The following ENOX1 variants were observed in gnomAD, a reference collection of about 807,000 sequenced individuals.
ENOX1 encodes ecto-NOX disulfide-thiol exchanger 1.
In ENOX1, 42 loss-of-function variants were observed where a neutral mutation model predicts 82.5. The observed-to-expected ratio is 0.51, with a 90% CI of 0.40 to 0.66. The LOEUF is 0.66. ENOX1 is among the 30% of genes least tolerant of loss of function. The pLI is 0.00. For missense variants in ENOX1, 608 were observed against 811.6 expected, an observed-to-expected ratio of 0.75 and a Z score of 3.05; for synonymous variants, 271 against 282.2, an observed-to-expected ratio of 0.96 and a Z score of 0.40.
intron 1 of ENOX1, among the ~76,000 whole-genome samples, chr13:43,675,734 G>A (rs535161618): frequency 5.2e-4 from 79 of 152,160 alleles, no homozygotes; most frequent in African/African-American, 1.9e-3. Flanking sequence ...GGAGGGGCCC[G>A]GCTTCCTTTC....
At chr13:43,543,913 C>CTTTTTTTTTTTTTT (rs11324994) in intron 2 of ENOX1, 58 of 97,424 alleles carry the variant, frequency 6.0e-4, no homozygotes, top group Middle Eastern at 5.4e-3. Flanking sequence ...TTTTCTTTTT[C>CTTTTTTTTTTTTTT]TTTTTTTTTT....
At position 43,693,189 on chromosome 13, in the gene ENOX1, TC is replaced by T. The variant is rs2086459286; in HGVS notation, c.-284-25646del. ...AACTATGAATTCCTTCTTTATACCT[TC>T]TTTCCTATACATAGATTTTTGAATT... On this transcript the variant is annotated intron_variant, in intron 1 of 16. Coordinates refer to ENST00000690772, the MANE Select transcript of ENOX1 (RefSeq NM_001347969.2). Among the ~76,000 whole-genome samples the T allele has an allele frequency of 3.3e-5, 5 of 152,238 alleles. No homozygotes were observed. The South Asian group carries it at 1.0e-3, about 32-fold the overall frequency.
intron 2 of ENOX1, among the ~76,000 whole-genome samples, chr13:43,525,654 T>C (rs776658283): frequency 9.2e-5 from 14 of 152,158 alleles, no homozygotes; most frequent in Non-Finnish European, 1.8e-4. Flanking sequence ...ATTTGGTTTT[T>C]TTTGATAGTA....
At chr13:43,547,720 C>T (rs1377955718) in intron 2 of ENOX1, 3 of 152,164 alleles carry the variant, frequency 2.0e-5, no homozygotes, top group Non-Finnish European at 2.9e-5. Flanking sequence ...ATTATAAAAC[C>T]GTGTTCTGCC....
intron 3 of ENOX1, among the ~76,000 whole-genome samples, chr13:43,426,765 T>C (rs1430086906): frequency 6.6e-6 from 1 of 152,168 alleles, no homozygotes; most frequent in East Asian, 1.9e-4. Context: ...CACACTGAAG[T>C]AGACATATTT....
intron 5 of ENOX1, among the ~76,000 whole-genome samples, chr13:43,390,882 C>T (rs574776027): frequency 6.6e-6 from 1 of 151,956 alleles, no homozygotes; most frequent in Non-Finnish European, 1.5e-5. Context: ...TTTTGCTTTT[C>T]GAAGGAGGGC....
chr13:43,343,644 T>G (rs2049197109), intron 9 of ENOX1, among the ~76,000 whole-genome samples: 1 of 152,182 alleles, frequency 6.6e-6, no homozygotes, highest in Non-Finnish European at 1.5e-5. Context: ...TGATAGGCAT[T>G]TTGGCACACT....
chr13:43,433,891 G>T (rs910564426), intron 3 of ENOX1, among the ~76,000 whole-genome samples: 1 of 152,186 alleles, frequency 6.6e-6, no homozygotes, highest in Admixed American at 6.5e-5. Context: ...GGAATGTGCT[G>T]GGTGATTACC....
At chr13:43,438,296 T>C (rs751085530) in intron 3 of ENOX1, among the ~76,000 whole-genome samples, 8 of 152,092 alleles carry the variant, frequency 5.3e-5, no homozygotes, top group Admixed American at 2.0e-4. Context: ...GTAAATCTAT[T>C]TGGAGGTAAT....
At chr13:43,696,474 T>C (rs117437516) in intron 1 of ENOX1, among the ~76,000 whole-genome samples, 2,469 of 152,312 alleles carry the variant, frequency 0.016, 20 homozygotes, top group Middle Eastern at 0.031. Flanking sequence ...GGGAAAGTAA[T>C]TGGGATACTT....
At chr13:43,532,385 C>G (rs1168834138) in intron 2 of ENOX1, among the ~76,000 whole-genome samples, 1 of 152,082 alleles carries the variant, frequency 6.6e-6, no homozygotes, top group Non-Finnish European at 1.5e-5. Context: ...GTATGGTCCA[C>G]AGAACCCTAG....
At chr13:43,746,829 T>G (rs571420664) in intron 1 of ENOX1, among the ~76,000 whole-genome samples, 7 of 152,280 alleles carry the variant, frequency 4.6e-5, no homozygotes, top group Non-Finnish European at 1.5e-5. Context: ...AAGCTCAAAG[T>G]CATCTGACTC....
At chr13:43,259,770 G>A (rs915285748) in intron 14 of ENOX1, among the ~76,000 whole-genome samples, 12 of 152,102 alleles carry the variant, frequency 7.9e-5, no homozygotes, top group African/African-American at 2.2e-4. Flanking sequence ...CACCGTGCCC[G>A]GCCTTATTTT....
chr13:43,213,857 A>G lies in ENOX1; in HGVS notation c.*133T>C. The stretch of plus-strand genomic sequence containing the variant: ...CCACTTACAAGAGAACGCCACAGAT[A>G]TAACTAAAGGCAGGCTTCGATGGCT... On this transcript the variant is annotated 3_prime_UTR_variant, in exon 17 of 17. Transcript: ENST00000690772. 1.1e-6 allele frequency: 1 copy of G among 931,488 alleles called. No individual in the cohort carries two copies. The highest frequency in any genetic ancestry group is 2.7e-5 in the East Asian group (1 of 37,328). 57.7% of individuals were successfully genotyped at this position (931,488 alleles called of 1,614,324 possible). A position where few individuals can be genotyped will look rare whatever the true frequency, so the allele number is the denominator to read the frequency against.
At chr13:43,606,248 G>T (rs1342746226) in intron 2 of ENOX1, among the ~76,000 whole-genome samples, 1 of 152,038 alleles carries the variant, frequency 6.6e-6, no homozygotes, top group African/African-American at 2.4e-5. Context: ...AGAACAATTT[G>T]GGGGCTCCTC....
intron 2 of ENOX1, among the ~76,000 whole-genome samples, chr13:43,532,918 C>T (rs1337679828): frequency 1.3e-5 from 2 of 150,920 alleles, no homozygotes; most frequent in Admixed American, 1.3e-4. Flanking sequence ...TTTCTATTTT[C>T]ATTTCTAATA....
intron 1 of ENOX1, among the ~76,000 whole-genome samples, chr13:43,696,425 T>A (rs2086642679): frequency 6.6e-6 from 1 of 152,254 alleles, no homozygotes; most frequent in East Asian, 1.9e-4. Context: ...ATATTTTGGT[T>A]CCTTCTGTGT....
At chr13:43,493,122 T>G (rs556465662) in intron 2 of ENOX1, among the ~76,000 whole-genome samples, 1 of 152,166 alleles carries the variant, frequency 6.6e-6, no homozygotes, top group Non-Finnish European at 1.5e-5. Flanking sequence ...CCTTAAAATA[T>G]CTTAAGATTC....
At chr13:43,541,433 C>T (rs11841690) in intron 2 of ENOX1, among the ~76,000 whole-genome samples, 4 of 151,844 alleles carry the variant, frequency 2.6e-5, no homozygotes, top group East Asian at 1.9e-4. Context: ...GCCAGCAATT[C>T]GAGGCTGCAG....
Sources: allele counts gnomAD v4.1 joint callset (sites outside exome capture counted in the v4.1 genomes callset), GRCh38; gene constraint gnomAD v4.1.1; transcripts MANE v1.5; gene names NCBI Gene and HGNC (gene_info 2026-07-23, HGNC 2026-07-21).